PID1: variants seen among roughly 807,000 people sequenced by gnomAD.
The protein encoded by PID1 is PTB-containing, cubilin and LRP1-interacting protein.
A neutral mutation model predicts 19.1 loss-of-function variants in PID1; 10 were observed. The ratio of observed to expected loss-of-function variants is 0.52; its 90% CI spans 0.32 to 0.89. The LOEUF is 0.89. Among genes scored for constraint, PID1 ranks in the 40% least tolerant of loss-of-function variants. The pLI, the probability that PID1 is intolerant of heterozygous loss-of-function variation, is 0.03. For missense variants in PID1, 248 were observed against 285.3 expected (o/e 0.87, Z 0.94); for synonymous variants, 130 against 116.0 (o/e 1.12, Z -0.78).
intron 1 of PID1, among the ~76,000 whole-genome samples, chr2:229,252,413 A>G (rs1690177151): frequency 6.6e-6 from 1 of 152,166 alleles, no homozygotes; most frequent in African/African-American, 2.4e-5. Context: ...AGTTTCATCA[A>G]CTGCTTGCCT....
intron 2 of PID1, among the ~76,000 whole-genome samples, chr2:229,148,572 C>A (rs1381850770): frequency 2.6e-5 from 4 of 152,048 alleles, no homozygotes; most frequent in Non-Finnish European, 5.9e-5. Flanking sequence ...TCTGCTAGGT[C>A]CTTGGTCCTT....
intron 1 of PID1, among the ~76,000 whole-genome samples, chr2:229,177,356 T>C (rs1187735398): frequency 6.6e-6 from 1 of 152,126 alleles, no homozygotes; most frequent in Non-Finnish European, 1.5e-5. Flanking sequence ...CTGGGTAAAA[T>C]AAGTAGAACA....
chr2:229,061,761 A>G (rs185667696), intron 2 of PID1, among the ~76,000 whole-genome samples: 10 of 152,070 alleles, frequency 6.6e-5, no homozygotes, highest in African/African-American at 2.4e-4. Context: ...CTTTGCATTC[A>G]TGTTGTCCAC....
chr2:229,130,529 G>A (rs575316607), intron 2 of PID1, among the ~76,000 whole-genome samples: 58 of 152,332 alleles, frequency 3.8e-4, no homozygotes, highest in African/African-American at 1.4e-3. Context: ...AGCCACTGAG[G>A]GATGTGGCGG....
At chr2:229,056,868 G>A (rs1279639119) in intron 2 of PID1, among the ~76,000 whole-genome samples, 1 of 152,060 alleles carries the variant, frequency 6.6e-6, no homozygotes, top group Admixed American at 6.6e-5. Context: ...CATGCCCTGA[G>A]GTGAAGAAGA....
In PID1 at chr2:229,024,490, C is replaced by A. The variant is rs1189435968; in HGVS notation, c.*1142G>T. 6.6e-6 allele frequency: 1 copy of A among 152,584 alleles called. No individual in the cohort carries two copies. Among genetic ancestry groups the A allele is most frequent in the African/African-American group, 2.4e-5 (1 of 41,424 alleles). 9.5% of individuals were successfully genotyped at this position (152,584 alleles called of 1,614,324 possible). A position where few individuals can be genotyped will look rare whatever the true frequency, so the allele number is the denominator to read the frequency against. On this transcript the variant is annotated 3_prime_UTR_variant, in exon 3 of 3. Transcript: ENST00000392055. The stretch of plus-strand genomic sequence containing the variant: ...TTCAAAATAAAAAAAAAGGGCAATT[C>A]TGACCCTAAGATATCATCAATTTTA...
intron 2 of PID1, among the ~76,000 whole-genome samples, chr2:229,113,635 C>T (rs76096817): frequency 0.12 from 14,647 of 123,830 alleles, 880 homozygotes; most frequent in South Asian, 0.3. Context: ...TACATATTTA[C>T]AGATGGGAAG....
At chr2:229,244,725 G>T (rs1371366892) in intron 1 of PID1, 1 of 152,010 alleles carries the variant, frequency 6.6e-6, no homozygotes, top group African/African-American at 2.4e-5. Context: ...ATCTGCAAAA[G>T]CAATTCCCTA....
At chr2:229,110,267 C>T (rs1695270478) in intron 2 of PID1, among the ~76,000 whole-genome samples, 1 of 152,160 alleles carries the variant, frequency 6.6e-6, no homozygotes, top group East Asian at 1.9e-4. Flanking sequence ...TCAGAGTTAG[C>T]TGTGGAAGTG....
intron 1 of PID1, among the ~76,000 whole-genome samples, chr2:229,180,739 G>T (rs1202285614): frequency 6.6e-6 from 1 of 152,214 alleles, no homozygotes; most frequent in Non-Finnish European, 1.5e-5. Flanking sequence ...TGACACTCAG[G>T]ATTGGCGTCT....
rs139706183 is a variant in PID1, at chr2:229,054,300, G to A, written c.178-28192C>T. On this transcript the variant is annotated intron_variant, in intron 2 of 2. Transcript: ENST00000392055. ...GTAAAGCTTGGCTGAAGGAAGAATTGTGCAAATGTAGAGTGGAGAAGCCCG... is the reference window on the plus strand; with the variant it reads ...GTAAAGCTTGGCTGAAGGAAGAATTATGCAAATGTAGAGTGGAGAAGCCCG... Among the ~76,000 whole-genome samples, 166 of 152,322 alleles carry A rather than the reference G, an allele frequency of 1.1e-3. 1 individual carries two copies. Among genetic ancestry groups the A allele is most frequent in the African/African-American group, 3.9e-3 (161 of 41,576 alleles).
intron 1 of PID1, among the ~76,000 whole-genome samples, chr2:229,156,709 A>G (rs1318147075): frequency 6.6e-6 from 1 of 152,072 alleles, no homozygotes; most frequent in Non-Finnish European, 1.5e-5. Context: ...TCCTTCTAAA[A>G]TCTAATTGTG....
At chr2:229,144,867 C>G (rs906135186) in intron 2 of PID1, among the ~76,000 whole-genome samples, 9 of 151,726 alleles carry the variant, frequency 5.9e-5, no homozygotes, top group African/African-American at 1.9e-4. Flanking sequence ...GTTTTCATCT[C>G]TGCAAGTATT....
intron 2 of PID1, among the ~76,000 whole-genome samples, chr2:229,053,552 T>G (rs1694035853): frequency 6.6e-6 from 1 of 152,156 alleles, no homozygotes; most frequent in Non-Finnish European, 1.5e-5. Flanking sequence ...AGGGGCTGCA[T>G]GGGGCTTCAA....
chr2:229,242,435 T>C (rs1689894126), intron 1 of PID1, among the ~76,000 whole-genome samples: 3 of 151,030 alleles, frequency 2.0e-5, no homozygotes, highest in South Asian at 4.2e-4. Context: ...ACCTGAAATA[T>C]GCTGCTTCGA....
intron 2 of PID1, among the ~76,000 whole-genome samples, chr2:229,145,156 T>TATATAC (rs1553567072): frequency 1.0e-4 from 1 of 9,806 alleles, no homozygotes; most frequent in Non-Finnish European, 3.0e-4. Flanking sequence ...TATGTATGTG[T>TATATAC]ATATATATAT....
intron 2 of PID1, among the ~76,000 whole-genome samples, chr2:229,073,627 G>A (rs921045627): frequency 1.3e-5 from 2 of 152,152 alleles, no homozygotes; most frequent in Non-Finnish European, 1.5e-5. Flanking sequence ...AGGAAGTACA[G>A]ACATCACAGA....
Position 229,047,953 on chromosome 2 carries a change from A to G in PID1, c.178-21845T>C, listed in dbSNP as rs965134935. On this transcript the variant is annotated intron_variant, in intron 2 of 2. Coordinates refer to ENST00000392055, the MANE Select transcript of PID1 (RefSeq NM_001100818.2). Reference sequence around the variant, plus strand: ...GCAATCACAAAAAAAGAAAAGCAGGAGAGTCTGCATAGTAAGACTGCTGAC... The same window carrying G: ...GCAATCACAAAAAAAGAAAAGCAGGGGAGTCTGCATAGTAAGACTGCTGAC... Among the ~76,000 whole-genome samples the G allele has an allele frequency of 3.3e-5, 5 of 152,222 alleles. 1 individual carries two copies. The highest frequency in any genetic ancestry group is 4.1e-4 in the South Asian group (2 of 4,834).
chr2:229,098,618 C>T (rs982784019), intron 2 of PID1, among the ~76,000 whole-genome samples: 6 of 152,008 alleles, frequency 3.9e-5, no homozygotes, highest in Non-Finnish European at 7.4e-5. Context: ...ACATTTCATC[C>T]CAAGAAATAT....
Sources: allele counts gnomAD v4.1 joint callset (sites outside exome capture counted in the v4.1 genomes callset), GRCh38; gene constraint gnomAD v4.1.1; transcripts MANE v1.5; gene names NCBI Gene and HGNC (gene_info 2026-07-23, HGNC 2026-07-21).